The following EML1 variants were observed in gnomAD, a reference collection of about 807,000 sequenced individuals.
EML1 encodes the protein echinoderm microtubule-associated protein-like 1.
EML1 carries 27 observed loss-of-function variants against 110.4 expected under a neutral mutation model. The observed-to-expected ratio is 0.24, with a 90% CI of 0.18 to 0.34. EML1 has a LOEUF of 0.34. Ranked by LOEUF, EML1 falls within the 10% of genes least tolerant of loss-of-function variation. The pLI is 1.00. For missense variants in EML1, 741 were observed against 1,030.9 expected (o/e 0.72, Z 3.85); for synonymous variants, 344 against 385.8 (o/e 0.89, Z 1.27).
At chr14:99,892,253 A>G in intron 5 of EML1, 1 of 970,782 alleles carries the variant, frequency 1.0e-6, no homozygotes, top group African/African-American at 1.8e-5. Flanking sequence ...CCCAGGCTAC[A>G]GAAACCTTTT....
At chr14:99,809,303 C>T (rs1381118846) in intron 1 of EML1, 1 of 157,342 alleles carries the variant, frequency 6.4e-6, no homozygotes, top group African/African-American at 2.4e-5. Flanking sequence ...GTTCTTCAGG[C>T]CACATTGTAG....
chr14:99,841,003 C>T (rs1005776756), intron 1 of EML1, among the ~76,000 whole-genome samples: 13 of 152,264 alleles, frequency 8.5e-5, no homozygotes, highest in African/African-American at 2.9e-4. Context: ...AGGGGCTGCC[C>T]AGACCCATGG....
chr14:99,859,448 C>T (rs568796657), intron 2 of EML1, among the ~76,000 whole-genome samples: 2 of 152,284 alleles, frequency 1.3e-5, no homozygotes, highest in South Asian at 2.1e-4. Flanking sequence ...TTACAGAACA[C>T]GCTTCTCACA....
intron 1 of EML1, among the ~76,000 whole-genome samples, chr14:99,775,099 C>T (rs922063724): frequency 6.6e-6 from 1 of 152,202 alleles, no homozygotes; most frequent in Admixed American, 6.5e-5. Flanking sequence ...GGTTTGCTGG[C>T]GCACTGCCCA....
chr14:99,832,413 G>A (rs1000795362), intron 1 of EML1, among the ~76,000 whole-genome samples: 4 of 152,214 alleles, frequency 2.6e-5, no homozygotes, highest in African/African-American at 9.6e-5. Flanking sequence ...GGCATGGAAT[G>A]GCCGGACTCA....
rs112328974 is a variant in EML1 at position 99,800,352 on chromosome 14, A to T, written c.67+6809A>T. ...TCTTTAAAGGACTTGTTTTTTTTTT[A>T]AGTTTAATTAATTATTTATTTTTTA... On this transcript the variant is annotated intron_variant, in intron 1 of 21. Transcript: ENST00000262233. Among the ~76,000 whole-genome samples, 460 of 150,316 alleles carry T rather than the reference A, an allele frequency of 3.1e-3. 2 individuals are homozygous for T. Among genetic ancestry groups the T allele is most frequent in the African/African-American group, 0.011 (447 of 40,878 alleles).
chr14:99,785,045 T>C (rs1446738250), intron 1 of EML1, among the ~76,000 whole-genome samples: 2 of 152,154 alleles, frequency 1.3e-5, no homozygotes. Context: ...AGGCTTCTTT[T>C]TTTTTTCTTT....
intron 1 of EML1, among the ~76,000 whole-genome samples, chr14:99,848,755 G>A (rs2058743592): frequency 6.6e-6 from 1 of 152,026 alleles, no homozygotes; most frequent in African/African-American, 2.4e-5. Context: ...TTGAGGCCAT[G>A]GATTCAAGAC....
At chr14:99,877,573 C>T (rs1438496557) in intron 3 of EML1, among the ~76,000 whole-genome samples, 3 of 152,234 alleles carry the variant, frequency 2.0e-5, no homozygotes, top group Non-Finnish European at 4.4e-5. Context: ...CTTCCCAGGC[C>T]TCTGAGCACT....
At chr14:99,848,566 T>C (rs1406867652) in intron 1 of EML1, among the ~76,000 whole-genome samples, 1 of 152,222 alleles carries the variant, frequency 6.6e-6, no homozygotes, top group Non-Finnish European at 1.5e-5. Flanking sequence ...TTGCAACTTG[T>C]AGATCCATAT....
chr14:99,860,865 A>G (rs780999687), intron 2 of EML1, among the ~76,000 whole-genome samples: 2 of 151,002 alleles, frequency 1.3e-5, no homozygotes, highest in Non-Finnish European at 2.9e-5. Flanking sequence ...ATGATCTCTC[A>G]TCACAACTTT....
intron 1 of EML1, among the ~76,000 whole-genome samples, chr14:99,823,962 C>CT (rs930063087): frequency 2.6e-5 from 4 of 151,954 alleles, no homozygotes; most frequent in Non-Finnish European, 4.4e-5. Flanking sequence ...ATCTCTCTCT[C>CT]TTTTTTTTAA....
chr14:99,791,984 G>T (rs113241360), upstream of EML1, among the ~76,000 whole-genome samples: 59 of 152,318 alleles, frequency 3.9e-4, no homozygotes, highest in Non-Finnish European at 7.6e-4. Flanking sequence ...CGCAGCACCT[G>T]TGGCCCTTCA....
intron 1 of EML1, among the ~76,000 whole-genome samples, chr14:99,798,723 T>C (rs1043263391): frequency 2.0e-5 from 3 of 152,220 alleles, no homozygotes; most frequent in African/African-American, 7.2e-5. Flanking sequence ...TAAGGTTATA[T>C]AGACTCCATT....
At position 99,878,571 on chromosome 14, in the gene EML1, G is replaced by T; in HGVS notation, c.470G>T (p.Arg157Leu). 1.2e-6 allele frequency: 2 copies of T among 1,613,984 alleles called. No individual in the cohort carries two copies. Among genetic ancestry groups the T allele is most frequent in the Non-Finnish European group, 1.7e-6 (2 of 1,179,970 alleles). Reference protein sequence around the residue: ...SNGDSRGNRNRTGSTSSSSSG... With the variant: ...SNGDSRGNRNLTGSTSSSSSG... ...GGGGATTCCAGAGGAAACCGGAATC[G>T]CACAGGCTCCACCAGCAGCTCTTCC... Residue 157 changes from arginine (R) to leucine (L), a missense_variant, in exon 4 of 22, where the codon CGC (arginine) becomes CTC (leucine). Transcript: ENST00000262233.
chr14:99,824,775 T>C (rs568420429), intron 1 of EML1, among the ~76,000 whole-genome samples: 91 of 152,192 alleles, frequency 6.0e-4, no homozygotes, highest in African/African-American at 2.0e-3. Flanking sequence ...TCCCCCCTCC[T>C]ACCCTCCACC....
chr14:99,818,509 G>A (rs972499559), intron 1 of EML1, among the ~76,000 whole-genome samples: 11 of 152,204 alleles, frequency 7.2e-5, no homozygotes, highest in African/African-American at 2.4e-4. Context: ...ATGGCTGCAC[G>A]GTGGTGCTTT....
At chr14:99,882,184 GAA>G (rs1239122948) in intron 4 of EML1, among the ~76,000 whole-genome samples, 2 of 152,162 alleles carry the variant, frequency 1.3e-5, no homozygotes, top group Non-Finnish European at 2.9e-5. Context: ...ATGTCATCAT[GAA>G]ATACTACATT....
chr14:99,796,226 GAGAGAAGAT>G (rs1462775147), intron 1 of EML1, among the ~76,000 whole-genome samples: 1 of 137,782 alleles, frequency 7.3e-6, no homozygotes, highest in Non-Finnish European at 1.6e-5. Flanking sequence ...GAGAGAGAGA[GAGAGAAGAT>G]AATGTGTAAA....
Sources: gnomAD v4.1 joint callset for allele counts (sites outside exome capture counted in the v4.1 genomes callset) on GRCh38, gnomAD v4.1.1 for gene constraint, MANE v1.5 for transcripts, NCBI Gene and HGNC (gene_info 2026-07-23, HGNC 2026-07-21) for gene names.